The following MRI1 variants were observed in gnomAD, a reference collection of about 807,000 sequenced individuals.
MRI1 encodes methylthioribose-1-phosphate isomerase.
A neutral mutation model predicts 27.3 loss-of-function variants in MRI1; 32 were observed. The ratio of observed to expected loss-of-function variants is 1.17; its 90% CI spans 0.88 to 1.57. MRI1 has a LOEUF of 1.57. MRI1 is among the 40% of genes most tolerant of loss of function. The pLI is 0.00. For missense variants in MRI1, 508 were observed against 516.1 expected, an observed-to-expected ratio of 0.98 and a Z score of 0.15; for synonymous variants, 216 against 227.4, an observed-to-expected ratio of 0.95 and a Z score of 0.45.
Position 13,774,070 on chromosome 19 carries a change from T to C in MRI1, c.*1789T>C, listed in dbSNP as rs1974329251. ...TATGCTGCCGGTCTGCAGGATGTAG[T>C]TTAACAATTTGATTATTTTGGATAT... On this transcript the variant is annotated 3_prime_UTR_variant, in exon 6 of 6. Coordinates refer to ENST00000040663, the MANE Select transcript of MRI1 (RefSeq NM_001031727.4). 1 of 164,758 alleles carries C rather than the reference T, an allele frequency of 6.1e-6. No homozygotes were observed. Among genetic ancestry groups the C allele is most frequent in the Non-Finnish European group, 1.3e-5 (1 of 74,914 alleles). 10.2% of individuals were successfully genotyped at this position (164,758 alleles called of 1,614,324 possible). A position where few individuals can be genotyped will look rare whatever the true frequency, so the allele number is the denominator to read the frequency against.
rs1463192326 is a variant in MRI1, at chr19:13,772,322, A to G, written c.*41A>G. ...CTAGCCTGCCTCTCTAGGTTTTTCA[A>G]TACATTTCTTGAATGGCTACCCAAA... On this transcript the variant is annotated 3_prime_UTR_variant, in exon 6 of 6. Transcript: ENST00000040663. The G allele has an allele frequency of 3.8e-6, 6 of 1,579,760 alleles. No individual in the cohort carries two copies. Among genetic ancestry groups the G allele is most frequent in the African/African-American group, 2.7e-5 (2 of 73,664 alleles).
At position 13,772,320 on chromosome 19, in the gene MRI1, C is replaced by A; in HGVS notation, c.*39C>A. The A allele has an allele frequency of 6.3e-7, 1 of 1,581,268 alleles. No individual in the cohort carries two copies. Among genetic ancestry groups the A allele is most frequent in the Non-Finnish European group, 8.6e-7 (1 of 1,160,432 alleles). On this transcript the variant is annotated 3_prime_UTR_variant, in exon 6 of 6. Transcript: ENST00000040663. ...CCCTAGCCTGCCTCTCTAGGTTTTT[C>A]AATACATTTCTTGAATGGCTACCCA...
At position 13,764,950 on chromosome 19, in the gene MRI1, G is replaced by T. The variant is rs775128784; in HGVS notation, c.212G>T (p.Gly71Val). 2.0e-6 allele frequency: 3 copies of T among 1,507,504 alleles called. No homozygotes were observed. Among genetic ancestry groups the T allele is most frequent in the Non-Finnish European group, 2.6e-6 (3 of 1,133,952 alleles). 93.4% of individuals were successfully genotyped at this position (1,507,504 alleles called of 1,614,324 possible). A position where few individuals can be genotyped will look rare whatever the true frequency, so the allele number is the denominator to read the frequency against. The change falls in exon 2 of 6, where the codon GGA (glycine) becomes GTA (valine). Residue 71 changes from glycine to valine, a missense_variant. Coordinates refer to ENST00000040663, the MANE Select transcript of MRI1 (RefSeq NM_001031727.4). ...CTGCAGGCGGGCGCCGGGGGACCGG[G>T]ACTCGCCGCGCTCGTGGCCTTCGTG... Reference protein sequence around the residue: ...VELQAGAGGPGLAALVAFVRD... With the variant: ...VELQAGAGGPVLAALVAFVRD...
intron 5 of MRI1, among the ~76,000 whole-genome samples, chr19:13,769,647 C>T (rs996309858): frequency 6.6e-6 from 1 of 152,040 alleles, no homozygotes. Context: ...GACGGCCAGG[C>T]GAGGTGGCTC....
In MRI1 at chr19:13,764,932, C is replaced by T. The variant is rs780848557; in HGVS notation, c.194C>T (p.Ala65Val). ...CTCAGCCTCGCCGTGGAGCTGCAGG[C>T]GGGCGCCGGGGGACCGGGACTCGCC... is the stretch of plus-strand genomic sequence containing the variant. ...GCLSLAVELQ[A>V]GAGGPGLAAL... The change falls in exon 2 of 6, where the codon GCG becomes GTG. Residue 65 changes from alanine (A) to valine (V), a missense_variant. This residue lies in a region of MRI1 where 457 missense variants were observed against 452.8 expected (regional missense o/e 1.01). Coordinates refer to ENST00000040663, the MANE Select transcript of MRI1 (RefSeq NM_001031727.4). The T allele has an allele frequency of 2.0e-6, 3 of 1,492,570 alleles. No individual in the cohort carries two copies. The South Asian group carries it at 3.8e-5, about 19-fold the overall frequency. The allele number at this position is 1,492,570 out of a possible 1,614,324, so 92.5% of individuals were successfully genotyped here. A position where few individuals can be genotyped will look rare whatever the true frequency, so the allele number is the denominator to read the frequency against.
chr19:13,772,290 G>GCT lies in MRI1; in HGVS notation c.*13_*14dup. 6.2e-7 allele frequency: 1 copy of GCT among 1,608,892 alleles called. No individual in the cohort carries two copies. The highest frequency in any genetic ancestry group is 1.7e-5 in the Admixed American group (1 of 58,794). On this transcript the variant is annotated 3_prime_UTR_variant, in exon 6 of 6. Transcript: ENST00000040663. ...ATGGACCCCAGATGTAACCAACTCA[G>GCT]CTCTCCCTAGCCTGCCTCTCTAGGT...
In MRI1 at chr19:13,764,961, C is replaced by G. The variant is rs963462089; in HGVS notation, c.223C>G (p.Leu75Val). The G allele has an allele frequency of 6.6e-7, 1 of 1,515,440 alleles. No individual in the cohort carries two copies. The highest frequency in any genetic ancestry group is 8.8e-7 in the Non-Finnish European group (1 of 1,138,256). The allele number at this position is 1,515,440 out of a possible 1,614,324, so 93.9% of individuals were successfully genotyped here. A position where few individuals can be genotyped will look rare whatever the true frequency, so the allele number is the denominator to read the frequency against. The change falls in exon 2 of 6, where the codon CTC (leucine) becomes GTC (valine). Residue 75 changes from leucine to valine, a missense_variant. Leu to Val is a conservative substitution (Grantham distance 32). This residue lies in a region of MRI1 where 457 missense variants were observed against 452.8 expected (regional missense o/e 1.01). Coordinates refer to ENST00000040663, the MANE Select transcript of MRI1 (RefSeq NM_001031727.4). ...CGCCGGGGGACCGGGACTCGCCGCG[C>G]TCGTGGCCTTCGTGCGCGACAAGCT... is the stretch of plus-strand genomic sequence containing the variant. ...AGAGGPGLAA[L>V]VAFVRDKLSF... is the part of the protein sequence containing the mutation.
In MRI1 at chr19:13,768,907, A is replaced by G; in HGVS notation, c.808A>G (p.Lys270Glu). The part of the protein sequence containing the change: ...VGTYQLAIVA[K>E]HHGIPFYVAA... Reference sequence around the variant, plus strand: ...CACCTACCAGCTGGCCATTGTCGCCAAGCACCATGGCATTCCCTTCTACGT... The same window carrying G: ...CACCTACCAGCTGGCCATTGTCGCCGAGCACCATGGCATTCCCTTCTACGT... Residue 270 changes from lysine to glutamate, a missense_variant, in exon 5 of 6, where the codon AAG (lysine) becomes GAG (glutamate). Physicochemically the swap from Lys to Glu is moderately conservative, Grantham distance 56. Around this residue, in one of 3 missense-constraint regions of MRI1, gnomAD observed 457 missense variants for 452.8 expected, o/e 1.01. Transcript: ENST00000040663. The G allele has an allele frequency of 6.2e-7, 1 of 1,614,094 alleles. No homozygotes were observed. The highest frequency in any genetic ancestry group is 8.5e-7 in the Non-Finnish European group (1 of 1,179,990).
At position 13,764,607 on chromosome 19, in the gene MRI1, C is replaced by A; in HGVS notation, c.19C>A (p.Arg7Ser). 6.2e-7 allele frequency: 1 copy of A among 1,609,460 alleles called. No individual in the cohort carries two copies. Among genetic ancestry groups the A allele is most frequent in the Non-Finnish European group, 8.5e-7 (1 of 1,179,208 alleles). ...CTGCACCATGACCCTGGAGGCGATCCGCTACTCGCGGGGCTCCCTGCAGAT... is the reference window on the plus strand; with the variant it reads ...CTGCACCATGACCCTGGAGGCGATCAGCTACTCGCGGGGCTCCCTGCAGAT... MTLEAIRYSRGSLQILD... is the reference protein window; with the variant it reads MTLEAISYSRGSLQILD... The change falls in exon 1 of 6, where the codon CGC becomes AGC. Residue 7 changes from arginine to serine, a missense_variant. Coordinates refer to ENST00000040663, the MANE Select transcript of MRI1 (RefSeq NM_001031727.4).
chr19:13,769,704 A>G (rs1974230078), intron 5 of MRI1, among the ~76,000 whole-genome samples: 2 of 151,420 alleles, frequency 1.3e-5, no homozygotes, highest in Non-Finnish European at 2.9e-5. Flanking sequence ...GGCAGATCAC[A>G]AGGTCAGGAG....
intron 3 of MRI1, among the ~76,000 whole-genome samples, chr19:13,768,198 A>G (rs568101294): frequency 6.0e-4 from 91 of 152,218 alleles, no homozygotes; most frequent in African/African-American, 1.7e-3. Flanking sequence ...GGTTGAGTCC[A>G]TGGATGGAGA....
Position 13,774,150 on chromosome 19 carries a change from C to A in MRI1, c.*1869C>A. The A allele has an allele frequency of 4.0e-6, 1 of 248,804 alleles. No individual in the cohort carries two copies. The highest frequency in any genetic ancestry group is 2.2e-5 in the African/African-American group (1 of 44,942). The allele number at this position is 248,804 out of a possible 1,614,324, so 15.4% of individuals were successfully genotyped here. A position where few individuals can be genotyped will look rare whatever the true frequency, so the allele number is the denominator to read the frequency against. ...GTTTACTATTACCAAAGTTTTTGAA[C>A]CTTCTTAAATTCTGTACCAGAGGTG... On this transcript the variant is annotated 3_prime_UTR_variant, in exon 6 of 6. Transcript: ENST00000040663.
In MRI1 at chr19:13,766,118, G is replaced by A. The variant is rs1369472934; in HGVS notation, c.536G>A (p.Gly179Asp). ...GGTGCTCTGGCCACCGCTGGCTATG[G>A]TACAGCCCTAGGTGAGAGGGCCTCC... ...NTGALATAGY[G>D]TALGVIRSLH... Residue 179 changes from glycine to aspartate, a missense_variant, in exon 3 of 6, where the codon GGT becomes GAT. Around this residue, in one of 3 missense-constraint regions of MRI1, gnomAD observed 457 missense variants for 452.8 expected, o/e 1.01. Transcript: ENST00000040663. 1.3e-6 allele frequency: 2 copies of A among 1,581,926 alleles called. No homozygotes were observed. Among genetic ancestry groups the A allele is most frequent in the South Asian group, 1.1e-5 (1 of 88,216 alleles).
intron 3 of MRI1, among the ~76,000 whole-genome samples, chr19:13,767,069 G>A (rs1599552849): frequency 5.0e-5 from 2 of 40,180 alleles, no homozygotes. Context: ...TTTTTTTTGA[G>A]ACAGAGTCTT....
Position 13,764,867 on chromosome 19 carries a change from G to GC in MRI1, c.133-3dup, listed in dbSNP as rs1418964614. 7.4e-7 allele frequency: 1 copy of GC among 1,342,774 alleles called. No homozygotes were observed. Among genetic ancestry groups the GC allele is most frequent in the East Asian group, 3.1e-5 (1 of 32,548 alleles). 83.2% of individuals were successfully genotyped at this position (1,342,774 alleles called of 1,614,324 possible). A position where few individuals can be genotyped will look rare whatever the true frequency, so the allele number is the denominator to read the frequency against. Reference sequence around the variant, plus strand: ...CTTCCGACGCCCAAATCCCTGCCCCGCAGGTGCGGGGCGCCCCGGCCATAG... The same window carrying GC: ...CTTCCGACGCCCAAATCCCTGCCCCGCCAGGTGCGGGGCGCCCCGGCCATAG... On this transcript the variant is annotated splice_region_variant and splice_polypyrimidine_tract_variant and intron_variant, in intron 1 of 5. Transcript: ENST00000040663.
chr19:13,766,230 A>G, intron 3 of MRI1, 101 bp downstream of exon 3: 1 of 1,163,226 alleles, frequency 8.6e-7, no homozygotes, highest in South Asian at 1.7e-5. Flanking sequence ...CACAAAAAAA[A>G]TGGGAAGGTA....
chr19:13,769,039 G>T lies in MRI1; in HGVS notation c.940G>T (p.Ala314Ser). 6.2e-7 allele frequency: 1 copy of T among 1,606,714 alleles called. No individual in the cohort carries two copies. Among genetic ancestry groups the T allele is most frequent in the Non-Finnish European group, 8.5e-7 (1 of 1,174,884 alleles). The part of the protein sequence containing the change: ...ELTDVNGVRI[A>S]APGIGVWNPA... ...GACCGATGTTAATGGGGTCCGGATT[G>T]CAGCACCTGGTAAGCTGCCCCCTCA... The change falls in exon 5 of 6, where the codon GCA becomes TCA. Residue 314 changes from alanine to serine, a missense_variant. This residue lies in a region of MRI1 where 457 missense variants were observed against 452.8 expected (regional missense o/e 1.01). Transcript: ENST00000040663.
chr19:13,771,472 A>C (rs1237947416), intron 5 of MRI1, among the ~76,000 whole-genome samples: 1 of 152,184 alleles, frequency 6.6e-6, no homozygotes, highest in African/African-American at 2.4e-5. Flanking sequence ...CAGAGGTTAC[A>C]CTGAGCCAAG....
At chr19:13,770,947 C>A (rs1163398806) in intron 5 of MRI1, among the ~76,000 whole-genome samples, 1 of 151,794 alleles carries the variant, frequency 6.6e-6, no homozygotes, top group Non-Finnish European at 1.5e-5. Flanking sequence ...CATTATGGGG[C>A]CAGGTAAAAT....
Sources: gnomAD v4.1 joint callset for allele counts (sites outside exome capture counted in the v4.1 genomes callset) on GRCh38, gnomAD v4.1.1 for gene constraint, gnomAD v4.1.1 regional missense constraint, MANE v1.5 for transcripts, NCBI Gene and HGNC (gene_info 2026-07-23, HGNC 2026-07-21) for gene names.